C1GALT1: variants seen among roughly 807,000 people sequenced by gnomAD.
The protein encoded by C1GALT1 is glycoprotein-N-acetylgalactosamine 3-beta-galactosyltransferase 1.
A neutral mutation model predicts 31.0 loss-of-function variants in C1GALT1; 11 were observed. The ratio of observed to expected loss-of-function variants is 0.36; its 90% confidence interval spans 0.22 to 0.59. The LOEUF (loss-of-function observed/expected upper bound fraction) is 0.59. Ranked by LOEUF, C1GALT1 falls within the 20% of genes least tolerant of loss-of-function variation. C1GALT1 has a pLI of 0.79. For synonymous variants in C1GALT1, 175 were observed against 143.6 expected, an observed-to-expected ratio of 1.22 and a Z score of -1.56; for missense variants, 424 against 425.2, an observed-to-expected ratio of 1.00 and a Z score of 0.03.
intron 1 of C1GALT1, among the ~76,000 whole-genome samples, chr7:7,223,184 A>T (rs1782590550): frequency 6.6e-6 from 1 of 151,958 alleles, no homozygotes; most frequent in South Asian, 2.1e-4. Context: ...TTGGAGATGG[A>T]GTCTTGCTCT....
chr7:7,234,130 G>C, intron 1 of C1GALT1, 173 bp from the exon 2 acceptor site: 1 of 598,308 alleles, frequency 1.7e-6, no homozygotes, highest in East Asian at 2.8e-5. Flanking sequence ...CTGGTTTTAT[G>C]GATTTTCCAT....
rs140758745 is a variant in C1GALT1, at chr7:7,191,840, T to C, written c.-18+9020T>C. 2.0e-5 allele frequency among the ~76,000 whole-genome samples: 3 copies of C among 151,798 alleles called. No individual in the cohort carries two copies. The East Asian group carries it at 5.8e-4, about 29-fold the overall frequency. On this transcript the variant is annotated intron_variant, in intron 1 of 3. Coordinates refer to ENST00000436587, the MANE Select transcript of C1GALT1 (RefSeq NM_020156.5). ...CAGGTTGATTTTTTTTGTTTGAGTT[T>C]TAGGAATTTTCTATATATTTTGGAT...
intron 1 of C1GALT1, among the ~76,000 whole-genome samples, chr7:7,202,686 A>G (rs1413044412): frequency 6.6e-6 from 1 of 152,074 alleles, no homozygotes; most frequent in African/African-American, 2.4e-5. Flanking sequence ...CTCTTTTTCA[A>G]AACTGTTTTG....
chr7:7,170,479 C>G (rs2128227295), intron 2 of C1GALT1, among the ~76,000 whole-genome samples: 1 of 152,252 alleles, frequency 6.6e-6, no homozygotes, highest in Non-Finnish European at 1.5e-5. Context: ...TTTTAGTTTT[C>G]ATTATTAAAC....
At chr7:7,237,474 T>TAC (rs1294064267) in intron 2 of C1GALT1, among the ~76,000 whole-genome samples, 9 of 152,232 alleles carry the variant, frequency 5.9e-5, no homozygotes, top group African/African-American at 1.9e-4. Context: ...ATAGTAGGCC[T>TAC]TTTTCAAAGT....
intron 1 of C1GALT1, among the ~76,000 whole-genome samples, chr7:7,223,964 A>G (rs970102410): frequency 1.3e-5 from 2 of 151,930 alleles, no homozygotes; most frequent in East Asian, 3.9e-4. Context: ...TCTGAGAGTT[A>G]TTTGTCCTGA....
chr7:7,232,776 C>T (rs1193821034), intron 1 of C1GALT1, among the ~76,000 whole-genome samples: 1 of 152,216 alleles, frequency 6.6e-6, no homozygotes, highest in Admixed American at 6.5e-5. Flanking sequence ...AGGCGTGAGC[C>T]ACCACGCCCA....
At chr7:7,208,095 G>T (rs1374601501) in intron 1 of C1GALT1, among the ~76,000 whole-genome samples, 1 of 152,072 alleles carries the variant, frequency 6.6e-6, no homozygotes, top group Non-Finnish European at 1.5e-5. Flanking sequence ...TCCATCATAT[G>T]CACGTTGTAT....
chr7:7,238,636 A>T lies in C1GALT1; in HGVS notation c.602A>T (p.Tyr201Phe). 6.2e-7 allele frequency: 1 copy of T among 1,614,164 alleles called. No individual in the cohort carries two copies. Among genetic ancestry groups the T allele is most frequent in the Non-Finnish European group, 8.5e-7 (1 of 1,179,992 alleles). The change falls in exon 3 of 4, where the codon TAT (tyrosine) becomes TTT (phenylalanine). Residue 201 changes from tyrosine to phenylalanine, a missense_variant. Tyr to Phe is a conservative substitution (Grantham distance 22). Coordinates refer to ENST00000436587, the MANE Select transcript of C1GALT1 (RefSeq NM_020156.5). The surrounding 1 kb of genome is among the most constrained non-coding windows in gnomAD (Gnocchi z 5.2). ...PIYFGRRFKPYVKQGYMSGGA... is the reference protein window; with the variant it reads ...PIYFGRRFKPFVKQGYMSGGA... The stretch of plus-strand genomic sequence containing the variant: ...TACTTTGGGAGAAGATTTAAGCCTT[A>T]TGTAAAGCAGGGCTACATGAGTGGA...
At chr7:7,231,700 G>T (rs1783080876) in intron 1 of C1GALT1, among the ~76,000 whole-genome samples, 1 of 151,090 alleles carries the variant, frequency 6.6e-6, no homozygotes, top group African/African-American at 2.4e-5. Context: ...TGTTTCTATT[G>T]TCTACTTTTT....
At position 7,243,827 on chromosome 7, in the gene C1GALT1, C is replaced by G. The variant is rs1227228166; in HGVS notation, c.*100C>G. ...AACACTGGAATCCCAGTGAGGAATT[C>G]TAAGTGAACATTCCTTATAGAAACC... On this transcript the variant is annotated 3_prime_UTR_variant, in exon 4 of 4. Coordinates refer to ENST00000436587, the MANE Select transcript of C1GALT1 (RefSeq NM_020156.5). 2 of 837,472 alleles carry G rather than the reference C, an allele frequency of 2.4e-6. No homozygotes were observed. Among genetic ancestry groups the G allele is most frequent in the East Asian group, 5.1e-5 (2 of 38,888 alleles). 51.9% of individuals were successfully genotyped at this position (837,472 alleles called of 1,614,324 possible).
intron 1 of C1GALT1, among the ~76,000 whole-genome samples, chr7:7,230,633 T>A (rs1228223529): frequency 6.6e-6 from 1 of 151,690 alleles, no homozygotes; most frequent in Non-Finnish European, 1.5e-5. Context: ...TTTTTTTTTT[T>A]TTTTTTAACA....
intron 2 of C1GALT1, among the ~76,000 whole-genome samples, chr7:7,235,881 C>T (rs74560941): frequency 0.014 from 2,094 of 152,240 alleles, 45 homozygotes; most frequent in African/African-American, 0.047. Context: ...AGTGCTGCTA[C>T]TTTACCATTT....
chr7:7,240,110 A>G (rs1468729295), intron 3 of C1GALT1, among the ~76,000 whole-genome samples: 1 of 152,210 alleles, frequency 6.6e-6, no homozygotes, highest in African/African-American at 2.4e-5. Flanking sequence ...TCAAATCATC[A>G]TCTGGAACAG....
At chr7:7,173,159 C>T (rs1371251918) in intron 2 of C1GALT1, among the ~76,000 whole-genome samples, 5 of 152,086 alleles carry the variant, frequency 3.3e-5, no homozygotes, top group Non-Finnish European at 5.9e-5. Context: ...GGAAGCAGAT[C>T]CTTCATGAAT....
chr7:7,229,565 A>T (rs1350678918), intron 1 of C1GALT1, among the ~76,000 whole-genome samples: 1 of 152,202 alleles, frequency 6.6e-6, no homozygotes, highest in Non-Finnish European at 1.5e-5. Context: ...ATACTTGACT[A>T]ATCAGTTCTC....
At chr7:7,229,186 C>T (rs564932440) in intron 1 of C1GALT1, among the ~76,000 whole-genome samples, 2 of 152,172 alleles carry the variant, frequency 1.3e-5, no homozygotes, top group East Asian at 3.9e-4. Flanking sequence ...GTAGACTCTG[C>T]AGCAGTAAAA....
chr7:7,188,677 C>A (rs1022851113), intron 1 of C1GALT1, among the ~76,000 whole-genome samples: 9 of 152,022 alleles, frequency 5.9e-5, no homozygotes, highest in African/African-American at 2.2e-4. Context: ...GTATATATAT[C>A]TTAACAGATT....
intron 2 of C1GALT1, among the ~76,000 whole-genome samples, chr7:7,236,231 C>A (rs1783343187): frequency 6.6e-6 from 1 of 152,130 alleles, no homozygotes; most frequent in Admixed American, 6.5e-5. Flanking sequence ...GTGTCTTACT[C>A]ATTTTTTTCA....
Sources: gnomAD v4.1 joint callset for allele counts (sites outside exome capture counted in the v4.1 genomes callset) on GRCh38, gnomAD v4.1.1 for gene constraint, Gnocchi (gnomAD v3.1) non-coding constraint, MANE v1.5 for transcripts, NCBI Gene and HGNC (gene_info 2026-07-23, HGNC 2026-07-21) for gene names.